Variants in PDE4D observed in about 807,000 individuals in gnomAD.
PDE4D encodes the protein 3',5'-cyclic-AMP phosphodiesterase 4D.
PDE4D carries 24 observed loss-of-function variants against 87.4 expected under a neutral mutation model. The ratio of observed to expected loss-of-function variants is 0.27; its 90% confidence interval spans 0.20 to 0.39. PDE4D has a LOEUF of 0.39. PDE4D is among the 10% of genes least tolerant of loss of function. PDE4D has a pLI of 1.00. For missense variants in PDE4D, 714 were observed against 1,041.0 expected (o/e 0.69, Z 4.32); for synonymous variants, 384 against 383.2 (o/e 1.00, Z -0.02).
At chr5:59,521,034 G>A (rs1812135930) in intron 1 of PDE4D, among the ~76,000 whole-genome samples, 1 of 151,816 alleles carries the variant, frequency 6.6e-6, no homozygotes, top group Non-Finnish European at 1.5e-5. Context: ...CTAGGATGAA[G>A]AGACATGCAT....
upstream of PDE4D, chr5:59,893,863 C>T (rs917578762): frequency 3.3e-5 from 42 of 1,278,630 alleles, no homozygotes; most frequent in Non-Finnish European, 4.1e-5. Flanking sequence ...CAGAGACACG[C>T]TCCCGGGCTC....
At chr5:59,315,286 C>G (rs758757587) in intron 1 of PDE4D, among the ~76,000 whole-genome samples, 13 of 152,110 alleles carry the variant, frequency 8.5e-5, no homozygotes, top group Non-Finnish European at 1.8e-4. Flanking sequence ...AAAACATACA[C>G]CTGTTTCCCC....
At position 58,974,585 on chromosome 5, in the gene PDE4D, G is replaced by A. The variant is rs746541836; in HGVS notation, c.*79C>T. On this transcript the variant is annotated 3_prime_UTR_variant, in exon 15 of 15. Transcript: ENST00000340635. Reference sequence around the variant, plus strand: ...TGGCAGATGACAGTGAGGTGTGACCGTGGTTGTGGCATGTGACATGCACTT... The same window carrying A: ...TGGCAGATGACAGTGAGGTGTGACCATGGTTGTGGCATGTGACATGCACTT... The A allele has an allele frequency of 2.8e-5, 37 of 1,314,512 alleles. No homozygotes were observed. In the Middle Eastern group the frequency reaches 5.7e-4, roughly 20 times the overall value. The allele number at this position is 1,314,512 out of a possible 1,614,324, so 81.4% of individuals were successfully genotyped here.
chr5:60,065,826 G>T (rs1310358949), intron 2 of PDE4D, among the ~76,000 whole-genome samples: 1 of 152,138 alleles, frequency 6.6e-6, no homozygotes, highest in African/African-American at 2.4e-5. Flanking sequence ...TCTTAATCCA[G>T]TCTATCGTTG....
At chr5:59,017,067 G>C (rs1754151892) in intron 6 of PDE4D, among the ~76,000 whole-genome samples, 1 of 152,154 alleles carries the variant, frequency 6.6e-6, no homozygotes, top group Admixed American at 6.6e-5. Context: ...TTGGGGCACA[G>C]CACTCTCAAC....
At chr5:60,102,451 G>A (rs556077460) in intron 2 of PDE4D, among the ~76,000 whole-genome samples, 1 of 152,026 alleles carries the variant, frequency 6.6e-6, no homozygotes, top group Non-Finnish European at 1.5e-5. Context: ...GTAGGGGAGA[G>A]AATTCAGGTA....
intron 1 of PDE4D, among the ~76,000 whole-genome samples, chr5:59,607,962 TAC>T (rs2150056067): frequency 6.6e-6 from 1 of 152,240 alleles, no homozygotes; most frequent in African/African-American, 2.4e-5. Flanking sequence ...CCTAGTTTCC[TAC>T]ACAGTGTGGT....
At chr5:59,316,368 CT>C (rs985458022) in intron 1 of PDE4D, among the ~76,000 whole-genome samples, 2 of 151,196 alleles carry the variant, frequency 1.3e-5, no homozygotes, top group African/African-American at 4.9e-5. Context: ...GAACATAGAA[CT>C]TTTTTTTTAA....
rs60661960 is a variant in PDE4D, at chr5:59,889,105, G to A, written c.455+4063C>T. On this transcript the variant is annotated intron_variant, in intron 1 of 14. Coordinates refer to ENST00000340635, the MANE Select transcript of PDE4D (RefSeq NM_001104631.2). ...TAGTCAGGCGTGGCGGCTCGTGCCC[G>A]TAGTCCCAGCTACTTGGGAGGCCAA... 5.3e-3 allele frequency among the ~76,000 whole-genome samples: 810 copies of A among 151,648 alleles called. 4 individuals are homozygous for A. The highest frequency in any genetic ancestry group is 0.019 in the African/African-American group (776 of 41,338).
intron 1 of PDE4D, among the ~76,000 whole-genome samples, chr5:59,502,254 T>C (rs1808416241): frequency 6.6e-6 from 1 of 152,174 alleles, no homozygotes; most frequent in African/African-American, 2.4e-5. Context: ...AAAATACCTA[T>C]ATGCAGATGT....
chr5:59,264,460 C>T (rs1465112891), intron 1 of PDE4D, among the ~76,000 whole-genome samples: 4 of 151,936 alleles, frequency 2.6e-5, no homozygotes, highest in Non-Finnish European at 5.9e-5. Flanking sequence ...TACACGAATA[C>T]CTTTAAAAAG....
chr5:59,105,908 A>C (rs1433369919), intron 5 of PDE4D, among the ~76,000 whole-genome samples: 1 of 152,216 alleles, frequency 6.6e-6, no homozygotes, highest in African/African-American at 2.4e-5. Flanking sequence ...GTGACCTAAC[A>C]CTAGTAATAC....
At chr5:59,412,479 T>A (rs1014513972) in intron 1 of PDE4D, among the ~76,000 whole-genome samples, 2 of 152,196 alleles carry the variant, frequency 1.3e-5, no homozygotes, top group African/African-American at 4.8e-5. Flanking sequence ...AAGAACTGAT[T>A]ATAGAGGGGA....
intron 1 of PDE4D, among the ~76,000 whole-genome samples, chr5:60,326,119 T>C (rs780010752): frequency 5.3e-5 from 8 of 152,200 alleles, no homozygotes; most frequent in Non-Finnish European, 1.0e-4. Context: ...ATAAGACTGC[T>C]ATAAACACTT....
chr5:59,119,775 G>A (rs1774181952), intron 5 of PDE4D, among the ~76,000 whole-genome samples: 1 of 152,128 alleles, frequency 6.6e-6, no homozygotes, highest in Non-Finnish European at 1.5e-5. Flanking sequence ...CTTTCCCACT[G>A]TTCATATTCA....
chr5:60,134,557 C>T (rs1465750309), intron 2 of PDE4D, among the ~76,000 whole-genome samples: 3 of 152,144 alleles, frequency 2.0e-5, no homozygotes, highest in Non-Finnish European at 4.4e-5. Context: ...CCACAGTATT[C>T]GTGGGAGATT....
intron 3 of PDE4D, among the ~76,000 whole-genome samples, chr5:59,905,085 G>C (rs1309232444): frequency 6.6e-6 from 1 of 152,050 alleles, no homozygotes; most frequent in East Asian, 1.9e-4. Context: ...GGAGGAAGGA[G>C]AAGAAGGATA....
intron 5 of PDE4D, among the ~76,000 whole-genome samples, chr5:59,174,718 C>T (rs561571717): frequency 1.4e-4 from 22 of 152,208 alleles, no homozygotes; most frequent in East Asian, 9.6e-4. Context: ...TATACTTCCA[C>T]GGTGGGTATA....
chr5:60,474,953 C>T (rs1748193275), intron 1 of PDE4D, among the ~76,000 whole-genome samples: 2 of 152,148 alleles, frequency 1.3e-5, no homozygotes, highest in Admixed American at 6.5e-5. Context: ...TTCTCCAGGA[C>T]TCTAAATGCT....
Sources: gnomAD v4.1 joint callset for allele counts (sites outside exome capture counted in the v4.1 genomes callset) on GRCh38, gnomAD v4.1.1 for gene constraint, MANE v1.5 for transcripts, NCBI Gene and HGNC (gene_info 2026-07-23, HGNC 2026-07-21) for gene names.